The following RPS6KC1 variants were observed in gnomAD, a reference collection of about 807,000 sequenced individuals.
The protein encoded by RPS6KC1 is ribosomal protein S6 kinase C1, also known as inactive ribosomal protein S6 kinase delta-1.
A neutral mutation model predicts 103.8 loss-of-function variants in RPS6KC1; 54 were observed. The observed-to-expected ratio is 0.52, with a 90% confidence interval of 0.42 to 0.65. The LOEUF is 0.65. RPS6KC1 is among the 30% of genes least tolerant of loss of function. The pLI is 0.00. For missense variants in RPS6KC1, 1,151 were observed against 1,253.8 expected, an observed-to-expected ratio of 0.92 and a Z score of 1.24; for synonymous variants, 439 against 438.7, an observed-to-expected ratio of 1.00 and a Z score of -0.01.
chr1:213,192,275 G>C (rs1423745813), intron 8 of RPS6KC1, among the ~76,000 whole-genome samples: 1 of 152,110 alleles, frequency 6.6e-6, no homozygotes, highest in Non-Finnish European at 1.5e-5. Flanking sequence ...TTAATGTGTT[G>C]AATTTGCTTT....
chr1:213,453,352 G>A, the RPS6KC1 span, among the ~76,000 whole-genome samples: 1 of 152,090 alleles, frequency 6.6e-6, no homozygotes, highest in African/African-American at 2.4e-5. Context: ...TTATGAGTGT[G>A]GTAGGAGTTG....
intron 12 of RPS6KC1, among the ~76,000 whole-genome samples, chr1:213,244,514 A>G (rs1456994463): frequency 6.6e-6 from 1 of 151,854 alleles, no homozygotes; most frequent in African/African-American, 2.4e-5. Context: ...TACTTATTGG[A>G]AACTATCTGT....
the RPS6KC1 span, among the ~76,000 whole-genome samples, chr1:213,703,916 A>G: frequency 6.6e-6 from 1 of 152,046 alleles, no homozygotes; most frequent in Non-Finnish European, 1.5e-5. Flanking sequence ...TAAACTTTCT[A>G]TTCCTGTCTC....
At chr1:213,549,600 CTTT>C in the RPS6KC1 span, among the ~76,000 whole-genome samples, 397 of 119,410 alleles carry the variant, frequency 3.3e-3, 3 homozygotes, top group African/African-American at 0.013. Context: ...TCTTCTTCTT[CTTT>C]TTCTTTTCCT....
the RPS6KC1 span, among the ~76,000 whole-genome samples, chr1:213,611,255 G>A: frequency 1.3e-5 from 2 of 152,158 alleles, no homozygotes; most frequent in East Asian, 1.9e-4. Flanking sequence ...TTCTAGGAGA[G>A]CAGAAATAAC....
At chr1:213,517,857 G>A in the RPS6KC1 span, among the ~76,000 whole-genome samples, 2 of 152,112 alleles carry the variant, frequency 1.3e-5, no homozygotes, top group Non-Finnish European at 2.9e-5. Flanking sequence ...TTATTGTGTG[G>A]GAGTCTAAGT....
the RPS6KC1 span, among the ~76,000 whole-genome samples, chr1:213,409,567 A>G: frequency 1.3e-5 from 2 of 152,324 alleles, no homozygotes; most frequent in African/African-American, 4.8e-5. Context: ...GGTTGAAAGA[A>G]AAGGAACACC....
At chr1:213,331,746 A>G in the RPS6KC1 span, among the ~76,000 whole-genome samples, 1 of 152,182 alleles carries the variant, frequency 6.6e-6, no homozygotes, top group Admixed American at 6.5e-5. Flanking sequence ...ACAGAGGTGA[A>G]GAGGCCAGGG....
chr1:213,471,227 T>C, the RPS6KC1 span, among the ~76,000 whole-genome samples: 1 of 152,184 alleles, frequency 6.6e-6, no homozygotes, highest in African/African-American at 2.4e-5. Flanking sequence ...ATTGTCTTTC[T>C]TTCTGGTATA....
At chr1:213,805,026 G>A in the RPS6KC1 span, among the ~76,000 whole-genome samples, 54 of 152,324 alleles carry the variant, frequency 3.5e-4, no homozygotes, top group African/African-American at 1.1e-3. Context: ...TGTAGTCTAC[G>A]AAGTGAGCAA....
At chr1:213,674,579 A>G in the RPS6KC1 span, among the ~76,000 whole-genome samples, 1 of 152,214 alleles carries the variant, frequency 6.6e-6, no homozygotes, top group Non-Finnish European at 1.5e-5. Flanking sequence ...TGACTTCGCT[A>G]TTGTAAATAG....
chr1:213,128,862 A>G (rs1271411722), intron 5 of RPS6KC1, among the ~76,000 whole-genome samples: 1 of 152,130 alleles, frequency 6.6e-6, no homozygotes, highest in Admixed American at 6.5e-5. Context: ...AGGATATTCA[A>G]CCTGTTTATG....
At chr1:213,078,449 T>C (rs1398882447) in intron 3 of RPS6KC1, among the ~76,000 whole-genome samples, 1 of 152,154 alleles carries the variant, frequency 6.6e-6, no homozygotes, top group Non-Finnish European at 1.5e-5. Context: ...TCACCTAGGC[T>C]GGAGTATAGT....
intron 4 of RPS6KC1, among the ~76,000 whole-genome samples, chr1:213,113,464 T>C (rs2148855052): frequency 6.6e-6 from 1 of 150,888 alleles, no homozygotes; most frequent in East Asian, 1.9e-4. Flanking sequence ...TATTAGCCCT[T>C]TGTCAGATGA....
chr1:213,811,962 CA>C, the RPS6KC1 span, among the ~76,000 whole-genome samples: 1 of 152,152 alleles, frequency 6.6e-6, no homozygotes, highest in African/African-American at 2.4e-5. Flanking sequence ...TGACTCCAAA[CA>C]ACTTTGTAAA....
At chr1:213,418,061 C>T in the RPS6KC1 span, among the ~76,000 whole-genome samples, 1 of 152,184 alleles carries the variant, frequency 6.6e-6, no homozygotes, top group Non-Finnish European at 1.5e-5. Context: ...GAGCAAACCC[C>T]CAGCTCCCGC....
chr1:213,256,898 G>T (rs939056254), intron 12 of RPS6KC1, among the ~76,000 whole-genome samples: 3 of 152,166 alleles, frequency 2.0e-5, no homozygotes, highest in Non-Finnish European at 2.9e-5. Context: ...AAATTTTTCT[G>T]CTTATGTACT....
At chr1:213,078,169 G>T (rs1428600329) in intron 3 of RPS6KC1, among the ~76,000 whole-genome samples, 1 of 147,900 alleles carries the variant, frequency 6.8e-6, no homozygotes. Context: ...TTTGCTTATA[G>T]TATGAATGGT....
At chr1:213,616,505 T>A in the RPS6KC1 span, among the ~76,000 whole-genome samples, 1 of 152,160 alleles carries the variant, frequency 6.6e-6, no homozygotes, top group African/African-American at 2.4e-5. Flanking sequence ...ATAAATGTCC[T>A]TAAGGAATTT....
Sources: gnomAD v4.1 joint callset for allele counts (sites outside exome capture counted in the v4.1 genomes callset) on GRCh38, gnomAD v4.1.1 for gene constraint, MANE v1.5 for transcripts, NCBI Gene and HGNC (gene_info 2026-07-23, HGNC 2026-07-21) for gene names.